EXOC2: variants seen among roughly 807,000 people sequenced by gnomAD.
The protein encoded by EXOC2 is SEC5-like 1.
EXOC2 carries 70 observed loss-of-function variants against 131.8 expected under a neutral mutation model. The ratio of observed to expected loss-of-function variants is 0.53; its 90% CI spans 0.44 to 0.65. The LOEUF (loss-of-function observed/expected upper bound fraction) is 0.65, where lower values mean the gene tolerates loss of function less well. EXOC2 is among the 30% of genes least tolerant of loss of function. The probability of loss-of-function intolerance (pLI) is 0.00; values close to 1 mark genes in which losing one functional copy is unlikely to be tolerated. For missense variants in EXOC2, 923 were observed against 1,108.6 expected (o/e 0.83, Z 2.38); for synonymous variants, 411 against 398.4 (o/e 1.03, Z -0.38).
intron 11 of EXOC2, among the ~76,000 whole-genome samples, chr6:584,401 G>A (rs3757115): frequency 0.24 from 36,654 of 152,116 alleles, 4,805 homozygotes; most frequent in East Asian, 0.48. Flanking sequence ...ATCATAAATT[G>A]TAATACTATG....
rs189741728 is a variant in EXOC2 at position 488,197 on chromosome 6, G to C, written c.2681+782C>G. Among the ~76,000 whole-genome samples the C allele has an allele frequency of 1.8e-4, 28 of 152,332 alleles. No homozygotes were observed. In the East Asian group the frequency reaches 5.4e-3, roughly 29 times the overall value. On this transcript the variant is annotated intron_variant, in intron 27 of 27. Transcript: ENST00000230449. ...CTCTGTGCGTCGATGCCATGTGACA[G>C]CTCCCCCCCATGGCCCAGCCTATGT...
At chr6:620,491 C>T (rs948974831) in intron 4 of EXOC2, among the ~76,000 whole-genome samples, 1 of 152,212 alleles carries the variant, frequency 6.6e-6, no homozygotes, top group Non-Finnish European at 1.5e-5. Flanking sequence ...TACCCCAAAA[C>T]ACTGGACAAG....
chr6:615,185 GTGT>G (rs781483642), intron 6 of EXOC2, among the ~76,000 whole-genome samples: 5,638 of 120,962 alleles, frequency 0.047, 317 homozygotes, highest in East Asian at 0.34. Context: ...GGGTGTGGGT[GTGT>G]GTGTGTGTGT....
chr6:507,847 G>A (rs1312455183), intron 23 of EXOC2, among the ~76,000 whole-genome samples: 1 of 152,154 alleles, frequency 6.6e-6, no homozygotes, highest in African/African-American at 2.4e-5. Flanking sequence ...CATTAGAGAA[G>A]GTCGACATTA....
chr6:492,606 T>C (rs546532132), intron 25 of EXOC2, among the ~76,000 whole-genome samples: 90 of 152,258 alleles, frequency 5.9e-4, no homozygotes, highest in African/African-American at 2.0e-3. Context: ...ACAACATGGA[T>C]GAACCCTGAA....
At chr6:610,899 G>A (rs1207071954) in intron 6 of EXOC2, among the ~76,000 whole-genome samples, 1 of 152,210 alleles carries the variant, frequency 6.6e-6, no homozygotes, top group Non-Finnish European at 1.5e-5. Context: ...CACATTCAGA[G>A]AAAGAAGGAG....
intron 25 of EXOC2, among the ~76,000 whole-genome samples, chr6:494,099 C>A (rs1395918084): frequency 6.6e-6 from 1 of 152,186 alleles, no homozygotes. Context: ...ATTATAATAA[C>A]CATGACCTTT....
At chr6:586,942 G>C (rs1304694277) in intron 11 of EXOC2, among the ~76,000 whole-genome samples, 1 of 152,174 alleles carries the variant, frequency 6.6e-6, no homozygotes. Context: ...CACAAAACTA[G>C]ACAGTTTCCC....
chr6:541,961 C>A (rs1756577661), intron 22 of EXOC2, among the ~76,000 whole-genome samples: 1 of 152,158 alleles, frequency 6.6e-6, no homozygotes, highest in Non-Finnish European at 1.5e-5. Flanking sequence ...CTACATGCTA[C>A]AACATGGATA....
intron 13 of EXOC2, among the ~76,000 whole-genome samples, chr6:570,658 A>C (rs1758229760): frequency 6.6e-6 from 1 of 152,234 alleles, no homozygotes; most frequent in African/African-American, 2.4e-5. Flanking sequence ...CATTATTATC[A>C]GCACTTCACT....
intron 7 of EXOC2, among the ~76,000 whole-genome samples, chr6:603,515 C>T (rs907826074): frequency 6.6e-6 from 1 of 152,186 alleles, no homozygotes; most frequent in Non-Finnish European, 1.5e-5. Flanking sequence ...CTCTTCACCT[C>T]CAAGCTGAGT....
chr6:563,055 TA>T (rs2127583257), intron 16 of EXOC2, among the ~76,000 whole-genome samples: 1 of 152,378 alleles, frequency 6.6e-6, no homozygotes, highest in African/African-American at 2.4e-5. Context: ...TTAATGTGAA[TA>T]AAAGTTTTTA....
chr6:511,112 C>T (rs1462471072), intron 23 of EXOC2, among the ~76,000 whole-genome samples: 1 of 152,190 alleles, frequency 6.6e-6, no homozygotes, highest in Non-Finnish European at 1.5e-5. Flanking sequence ...TATTTTCCTG[C>T]GTGGTCCCTG....
chr6:551,084 C>G (rs774506692), intron 21 of EXOC2, among the ~76,000 whole-genome samples: 3 of 152,206 alleles, frequency 2.0e-5, no homozygotes, highest in East Asian at 3.9e-4. Flanking sequence ...GACTCTGGAC[C>G]GTGGATGACT....
chr6:620,121 T>C (rs1761208374), intron 4 of EXOC2, among the ~76,000 whole-genome samples: 2 of 152,214 alleles, frequency 1.3e-5, no homozygotes, highest in South Asian at 4.1e-4. Flanking sequence ...AATCTGCTGC[T>C]CCCTCATCTT....
At chr6:640,649 G>GAC (rs1762312431) in intron 1 of EXOC2, among the ~76,000 whole-genome samples, 1 of 152,146 alleles carries the variant, frequency 6.6e-6, no homozygotes, top group South Asian at 2.1e-4. Flanking sequence ...TTTGGACAGA[G>GAC]ACACACACAG....
At chr6:548,382 T>A (rs947962216) in intron 22 of EXOC2, among the ~76,000 whole-genome samples, 4 of 152,244 alleles carry the variant, frequency 2.6e-5, no homozygotes, top group Non-Finnish European at 4.4e-5. Context: ...TTGAGAAAAC[T>A]GTACTGACAT....
chr6:520,713 C>T (rs2493021), intron 23 of EXOC2, among the ~76,000 whole-genome samples: 20,001 of 31,964 alleles, frequency 0.63, 7,818 homozygotes, highest in South Asian at 0.84. Context: ...CACTCGGAGA[C>T]GAAAACAACC....
rs115149123 is a variant in EXOC2 at position 685,578 on chromosome 6, C to A, written c.-44+7441G>T. On this transcript the variant is annotated intron_variant, in intron 1 of 27. Coordinates refer to ENST00000230449, the MANE Select transcript of EXOC2 (RefSeq NM_018303.6). ...AGATCAAGTGCAAGTTACATTAGCACTGCCACAAATTCTACCATATAACAG... is the reference window on the plus strand; with the variant it reads ...AGATCAAGTGCAAGTTACATTAGCAATGCCACAAATTCTACCATATAACAG... Among the ~76,000 whole-genome samples the A allele has an allele frequency of 5.3e-3, 812 of 152,324 alleles. 7 individuals are homozygous for A. Among genetic ancestry groups the A allele is most frequent in the African/African-American group, 0.018 (760 of 41,560 alleles).
Sources: allele counts gnomAD v4.1 joint callset (sites outside exome capture counted in the v4.1 genomes callset), GRCh38; gene constraint gnomAD v4.1.1; transcripts MANE v1.5; gene names NCBI Gene and HGNC (gene_info 2026-07-23, HGNC 2026-07-21).